Variants in ATG7 observed in about 807,000 individuals in gnomAD.
ATG7 encodes ubiquitin-like modifier-activating enzyme ATG7.
A neutral mutation model predicts 82.4 loss-of-function variants in ATG7; 70 were observed. The observed-to-expected ratio is 0.85, with a 90% CI of 0.70 to 1.04. The LOEUF is 1.04. Among genes scored for constraint, ATG7 ranks in the 50% least tolerant of loss-of-function variants. ATG7 has a pLI of 0.00. For synonymous variants in ATG7, 287 were observed against 313.0 expected, an observed-to-expected ratio of 0.92 and a Z score of 0.88; for missense variants, 792 against 864.3, an observed-to-expected ratio of 0.92 and a Z score of 1.05.
At chr3:11,282,935 G>A (rs1943317112) in intron 3 of ATG7, among the ~76,000 whole-genome samples, 1 of 152,196 alleles carries the variant, frequency 6.6e-6, no homozygotes. Context: ...TGGTCATGTG[G>A]TTTGGTGCTT....
At chr3:11,562,143 C>T (rs765982837), downstream of ATG7, among the ~76,000 whole-genome samples, 25 of 152,142 alleles carry the variant, frequency 1.6e-4, no homozygotes, top group Middle Eastern at 3.4e-3. Context: ...AGTGATCCGC[C>T]GCCTCAACCC....
At chr3:11,564,771 C>T in the ATG7 span, 40 of 1,531,644 alleles carry the variant, frequency 2.6e-5, no homozygotes, top group African/African-American at 2.3e-4. Flanking sequence ...GGACTCCCCA[C>T]GCCACCCTCC....
At chr3:11,364,773 C>G in intron 18 of ATG7, 39 bp downstream of exon 18, 1 of 1,605,860 alleles carries the variant, frequency 6.2e-7, no homozygotes, top group Non-Finnish European at 8.5e-7. Context: ...TCTTTTGGTA[C>G]AGGGGGAAAG....
intron 20 of ATG7, among the ~76,000 whole-genome samples, chr3:11,448,062 C>T (rs2084748327): frequency 6.6e-6 from 1 of 152,182 alleles, no homozygotes; most frequent in South Asian, 2.1e-4. Flanking sequence ...CATGAAATTC[C>T]AGTCCCCAGA....
chr3:11,395,293 GAA>G (rs1220939874), intron 19 of ATG7, among the ~76,000 whole-genome samples: 1 of 151,898 alleles, frequency 6.6e-6, no homozygotes, highest in African/African-American at 2.4e-5. Context: ...TGGAAATCTA[GAA>G]AAAAAGAAAT....
intron 19 of ATG7, among the ~76,000 whole-genome samples, chr3:11,416,475 T>A (rs2081383560): frequency 6.6e-6 from 1 of 152,188 alleles, no homozygotes. Flanking sequence ...TCATTTAGTT[T>A]ATCAAATTTC....
chr3:11,492,444 G>GC (rs1373602962), intron 20 of ATG7, among the ~76,000 whole-genome samples: 1 of 152,248 alleles, frequency 6.6e-6, no homozygotes, highest in African/African-American at 2.4e-5. Context: ...CACGCTGGGA[G>GC]CTGTAGACCA....
chr3:11,440,119 G>T (rs1428079482), intron 20 of ATG7, among the ~76,000 whole-genome samples: 1 of 152,084 alleles, frequency 6.6e-6, no homozygotes, highest in African/African-American at 2.4e-5. Flanking sequence ...TTTTGTCTGT[G>T]TCCTTACAAC....
intron 19 of ATG7, among the ~76,000 whole-genome samples, chr3:11,415,281 C>CCAG (rs1413490369): frequency 2.6e-5 from 4 of 152,128 alleles, no homozygotes; most frequent in African/African-American, 9.7e-5. Context: ...CTGGAAGTTG[C>CCAG]TCTGGGTGAG....
At chr3:11,399,279 C>T (rs978388020) in intron 19 of ATG7, among the ~76,000 whole-genome samples, 2 of 152,118 alleles carry the variant, frequency 1.3e-5, no homozygotes, top group African/African-American at 4.8e-5. Context: ...GCCCCAGAGG[C>T]AGAGGTTGCA....
intron 20 of ATG7, among the ~76,000 whole-genome samples, chr3:11,454,656 G>A (rs2085525748): frequency 6.6e-6 from 1 of 152,174 alleles, no homozygotes; most frequent in African/African-American, 2.4e-5. Context: ...GTAAATAAAG[G>A]TTGAGATTTC....
chr3:11,470,219 A>G (rs1275931980), intron 20 of ATG7, among the ~76,000 whole-genome samples: 1 of 152,196 alleles, frequency 6.6e-6, no homozygotes, highest in African/African-American at 2.4e-5. Context: ...GTAGTCACAC[A>G]TCACTTAACG....
rs77386855 is a variant in ATG7 at position 11,372,707 on chromosome 3, T to A, written c.1876-7265T>A. On this transcript the variant is annotated intron_variant, in intron 18 of 20. Coordinates refer to ENST00000693202, the MANE Select transcript of ATG7 (RefSeq NM_001349232.2). Reference sequence around the variant, plus strand: ...TTTTACTGTACTAAGGGAAAAAAAATGTAATGGAAATCTTAAAATGTTCAG... The same window carrying A: ...TTTTACTGTACTAAGGGAAAAAAAAAGTAATGGAAATCTTAAAATGTTCAG... 1.8e-4 allele frequency among the ~76,000 whole-genome samples: 27 copies of A among 151,102 alleles called. No homozygotes were observed. The East Asian group carries it at 4.1e-3, about 23-fold the overall frequency.
chr3:11,369,533 G>A (rs1212253377), intron 18 of ATG7, among the ~76,000 whole-genome samples: 1 of 151,096 alleles, frequency 6.6e-6, no homozygotes, highest in Non-Finnish European at 1.5e-5. Flanking sequence ...TTCCATTTGC[G>A]TTTGGGGTAA....
chr3:11,486,468 C>T (rs4684784), intron 20 of ATG7, among the ~76,000 whole-genome samples: 131,466 of 151,598 alleles, frequency 0.87, 57,331 homozygotes, highest in East Asian at 1. Context: ...AGATATACAA[C>T]CATGTCATCT....
rs1575206960 is a variant in ATG7, at chr3:11,529,683, T to C, written c.2080-25128T>C. ...GAACTTCTTGATTTTTTTCTCATAA[T>C]TGAGGCTTCACCTGGTTAGCAACGT... On this transcript the variant is annotated intron_variant, in intron 20 of 20. Transcript: ENST00000693202. The C allele has an allele frequency of 3.3e-5, 5 of 153,746 alleles. 1 individual carries two copies. The South Asian group carries it at 6.2e-4, about 19-fold the overall frequency. 9.5% of individuals were successfully genotyped at this position (153,746 alleles called of 1,614,324 possible).
chr3:11,470,801 G>A (rs1269620320), intron 20 of ATG7, among the ~76,000 whole-genome samples: 1 of 152,202 alleles, frequency 6.6e-6, no homozygotes, highest in Non-Finnish European at 1.5e-5. Flanking sequence ...TGGGATTTAG[G>A]CTGAGGAGAG....
At chr3:11,472,611 C>G (rs1023410448) in intron 20 of ATG7, among the ~76,000 whole-genome samples, 1 of 152,206 alleles carries the variant, frequency 6.6e-6, no homozygotes, top group Non-Finnish European at 1.5e-5. Flanking sequence ...CAGATGTCCA[C>G]TGTGGTTATC....
the ATG7 span, among the ~76,000 whole-genome samples, chr3:11,565,888 G>A: frequency 1.3e-5 from 2 of 152,138 alleles, no homozygotes; most frequent in African/African-American, 2.4e-5. The surrounding 1 kb of genome is among the most constrained non-coding windows in gnomAD (Gnocchi z 4.1). Context: ...TTATTCCAGG[G>A]GTCCCACAGT....
Sources: allele counts gnomAD v4.1 joint callset (sites outside exome capture counted in the v4.1 genomes callset), GRCh38; gene constraint gnomAD v4.1.1; non-coding constraint Gnocchi (gnomAD v3.1); transcripts MANE v1.5; gene names NCBI Gene and HGNC (gene_info 2026-07-23, HGNC 2026-07-21).